PDE1A: variants seen among roughly 807,000 people sequenced by gnomAD.
PDE1A encodes dual specificity calcium/calmodulin-dependent 3',5'-cyclic nucleotide phosphodiesterase 1A.
A neutral mutation model predicts 61.7 loss-of-function variants in PDE1A; 35 were observed. The ratio of observed to expected loss-of-function variants is 0.57; its 90% CI spans 0.43 to 0.75. The LOEUF (loss-of-function observed/expected upper bound fraction) is 0.75, where lower values mean the gene tolerates loss of function less well. Among genes scored for constraint, PDE1A ranks in the 30% least tolerant of loss-of-function variants. The probability of loss-of-function intolerance (pLI) is 0.00; values close to 1 mark genes in which losing one functional copy is unlikely to be tolerated. For missense variants in PDE1A, 597 were observed against 630.6 expected, an observed-to-expected ratio of 0.95 and a Z score of 0.57; for synonymous variants, 232 against 213.2, an observed-to-expected ratio of 1.09 and a Z score of -0.77.
chr2:182,573,321 G>A, the PDE1A span, among the ~76,000 whole-genome samples: 2 of 152,072 alleles, frequency 1.3e-5, no homozygotes, highest in South Asian at 2.1e-4. Context: ...CTGAGGCTTT[G>A]GGACTAACTT....
At chr2:182,529,566 T>C in the PDE1A span, among the ~76,000 whole-genome samples, 2 of 152,166 alleles carry the variant, frequency 1.3e-5, no homozygotes, top group East Asian at 1.9e-4. Flanking sequence ...GAAGGCATGA[T>C]TGATTTTGAA....
At chr2:182,233,082 C>G (rs1343721289) in intron 4 of PDE1A, among the ~76,000 whole-genome samples, 3 of 152,150 alleles carry the variant, frequency 2.0e-5, no homozygotes, top group Non-Finnish European at 2.9e-5. Flanking sequence ...TACATTCTCT[C>G]ATACTAAAAT....
In PDE1A at chr2:182,426,932, AAAAC is replaced by A. The variant is rs757120385; in HGVS notation, c.-306_-303del. On this transcript the variant is annotated 5_prime_UTR_variant, in exon 1 of 14. An upstream open reading frame in the 5' UTR loses its in-frame stop. Coordinates refer to ENST00000351439, the Ensembl canonical transcript of PDE1A. ...TGCACGGGACCCTCCGAAACAGAAC[AAAAC>A]AAACAGAAAACTTCCTACCCCAGTG... 7.0e-5 allele frequency: 78 copies of A among 1,113,638 alleles called. No individual in the cohort carries two copies. Among genetic ancestry groups the A allele is most frequent in the Non-Finnish European group, 8.6e-5 (78 of 911,948 alleles). 69.0% of individuals were successfully genotyped at this position (1,113,638 alleles called of 1,614,324 possible).
chr2:182,285,747 C>T (rs1694116315), intron 1 of PDE1A, among the ~76,000 whole-genome samples: 1 of 152,054 alleles, frequency 6.6e-6, no homozygotes, highest in African/African-American at 2.4e-5. Context: ...TAGTAGGTGG[C>T]TGAGGACAGT....
intron 13 of PDE1A, among the ~76,000 whole-genome samples, chr2:182,178,221 A>G (rs755567298): frequency 4.6e-5 from 7 of 152,150 alleles, no homozygotes; most frequent in Non-Finnish European, 1.0e-4. Flanking sequence ...ATGCATGGCT[A>G]AAAGGTTTTT....
chr2:182,144,874 A>C (rs1181734587), downstream of PDE1A, among the ~76,000 whole-genome samples: 3 of 152,194 alleles, frequency 2.0e-5, no homozygotes, highest in African/African-American at 7.2e-5. Context: ...AACAGCTGGC[A>C]ACACTGGGCC....
chr2:182,482,893 G>A (rs1687791095), intron 2 of PDE1A, among the ~76,000 whole-genome samples: 1 of 151,796 alleles, frequency 6.6e-6, no homozygotes, highest in Non-Finnish European at 1.5e-5. Context: ...ACAATCAAAA[G>A]GCAGATTATC....
rs933542369 is a variant in PDE1A at position 182,191,850 on chromosome 2, T to TC, written c.1126-2791_1126-2790insG. Among the ~76,000 whole-genome samples, 3 of 151,578 alleles carry TC rather than the reference T, an allele frequency of 2.0e-5. No individual in the cohort carries two copies. In the South Asian group the frequency reaches 6.3e-4, roughly 32 times the overall value. Reference sequence around the variant, plus strand: ...GGCATTATGATGATTTACTTTCTTTTTTTTTTTATTTTTTTATTTTTTTTG... The same window carrying TC: ...GGCATTATGATGATTTACTTTCTTTTCTTTTTTTATTTTTTTATTTTTTTTG... On this transcript the variant is annotated intron_variant, in intron 10 of 13. Transcript: ENST00000351439.
intron 2 of PDE1A, among the ~76,000 whole-genome samples, chr2:182,436,632 G>T (rs943535789): frequency 1.3e-5 from 2 of 151,972 alleles, no homozygotes; most frequent in Non-Finnish European, 2.9e-5. Flanking sequence ...AATGTGGAGG[G>T]AGGAAAGTTG....
the PDE1A span, among the ~76,000 whole-genome samples, chr2:182,710,243 T>TA: frequency 2.0e-5 from 3 of 152,192 alleles, no homozygotes; most frequent in African/African-American, 7.2e-5. Context: ...AATTGACAAA[T>TA]AAAAACTGTG....
intron 2 of PDE1A, among the ~76,000 whole-genome samples, chr2:182,482,947 G>A (rs1367103679): frequency 6.6e-6 from 1 of 151,920 alleles, no homozygotes; most frequent in Non-Finnish European, 1.5e-5. Context: ...CTGTCTATAA[G>A]AGATACACTT....
chr2:182,327,437 T>A (rs1374012560), intron 1 of PDE1A, among the ~76,000 whole-genome samples: 1 of 152,154 alleles, frequency 6.6e-6, no homozygotes, highest in Non-Finnish European at 1.5e-5. Context: ...CAGGGAAAAG[T>A]AAAGAGGTCA....
At chr2:182,695,185 T>C in the PDE1A span, among the ~76,000 whole-genome samples, 1 of 152,080 alleles carries the variant, frequency 6.6e-6, no homozygotes, top group African/African-American at 2.4e-5. Flanking sequence ...CACCACTGCA[T>C]CCTAACAACA....
intron 2 of PDE1A, among the ~76,000 whole-genome samples, chr2:182,454,485 A>T (rs193271812): frequency 1.3e-5 from 2 of 152,108 alleles, no homozygotes; most frequent in Admixed American, 1.3e-4. Context: ...AAAAGAACAA[A>T]GCCGGAGGCG....
chr2:182,228,653 T>C (rs1471336881), intron 6 of PDE1A, among the ~76,000 whole-genome samples: 1 of 152,178 alleles, frequency 6.6e-6, no homozygotes. Context: ...AAGCTGACAG[T>C]GTAACCTAGT....
intron 1 of PDE1A, among the ~76,000 whole-genome samples, chr2:182,323,253 T>C (rs1696816898): frequency 1.3e-5 from 2 of 152,174 alleles, no homozygotes; most frequent in African/African-American, 2.4e-5. Context: ...CTAATAATTG[T>C]GGCTTATTGT....
At chr2:182,502,334 T>C (rs10931018) in intron 2 of PDE1A, among the ~76,000 whole-genome samples, 7 of 130,222 alleles carry the variant, frequency 5.4e-5, no homozygotes, top group Admixed American at 1.5e-4. Context: ...GTGTGTGTGT[T>C]TGTGTGTGTG....
chr2:182,155,262 T>C (rs1574508612), intron 13 of PDE1A, among the ~76,000 whole-genome samples: 1 of 151,884 alleles, frequency 6.6e-6, no homozygotes, highest in East Asian at 1.9e-4. Flanking sequence ...TACTTTTTTA[T>C]ATTTTCTGTA....
Position 182,499,104 on chromosome 2 carries a change from C to T in PDE1A, c.101+23172G>A, listed in dbSNP as rs576442846. Among the ~76,000 whole-genome samples, 180 of 151,120 alleles carry T rather than the reference C, an allele frequency of 1.2e-3. 1 individual carries two copies. The highest frequency in any genetic ancestry group is 2.3e-3 in the Non-Finnish European group (156 of 67,770). The stretch of plus-strand genomic sequence containing the variant: ...CTGTGTTCAAGCAATTCTCCTGCCT[C>T]AGCCTTCCAAGTAGCTGGGATTGCA... On this transcript the variant is annotated intron_variant, in intron 2 of 14. Transcript: ENST00000410103.
Sources: allele counts gnomAD v4.1 joint callset (sites outside exome capture counted in the v4.1 genomes callset), GRCh38; gene constraint gnomAD v4.1.1; transcripts MANE v1.5; gene names NCBI Gene and HGNC (gene_info 2026-07-23, HGNC 2026-07-21).